Variants in ZSWIM5 observed in about 807,000 individuals in gnomAD.
ZSWIM5 encodes the protein zinc finger SWIM domain-containing protein 5.
A neutral mutation model predicts 119.6 loss-of-function variants in ZSWIM5; 55 were observed. The ratio of observed to expected loss-of-function variants is 0.46; its 90% CI spans 0.37 to 0.58. The LOEUF (loss-of-function observed/expected upper bound fraction) is 0.58, where lower values mean the gene tolerates loss of function less well. ZSWIM5 is among the 20% of genes least tolerant of loss of function. ZSWIM5 has a pLI of 0.00. For synonymous variants in ZSWIM5, 537 were observed against 606.9 expected, an observed-to-expected ratio of 0.88 and a Z score of 1.69; for missense variants, 1,193 against 1,512.8, an observed-to-expected ratio of 0.79 and a Z score of 3.51.
intron 4 of ZSWIM5, among the ~76,000 whole-genome samples, chr1:45,054,458 T>C (rs894105347): frequency 6.6e-6 from 1 of 152,100 alleles, no homozygotes; most frequent in Non-Finnish European, 1.5e-5. Context: ...GGTGCGCGCC[T>C]GTAGTCTCAG....
At chr1:45,110,695 A>G (rs1645511289) in intron 1 of ZSWIM5, among the ~76,000 whole-genome samples, 1 of 152,234 alleles carries the variant, frequency 6.6e-6, no homozygotes. Flanking sequence ...CAAGAAAAAG[A>G]AAAATAACCA....
chr1:45,035,910 G>T, intron 9 of ZSWIM5, 87 bp from the exon 10 acceptor site: 1 of 1,579,212 alleles, frequency 6.3e-7, no homozygotes, highest in Middle Eastern at 1.7e-4. Flanking sequence ...ATGCATGTTT[G>T]CTAATCATGG....
At chr1:45,084,463 T>TA in intron 2 of ZSWIM5, among the ~76,000 whole-genome samples, 1 of 152,186 alleles carries the variant, frequency 6.6e-6, no homozygotes, top group Non-Finnish European at 1.5e-5. Flanking sequence ...CCCCAAGTCT[T>TA]AACTCATTTC....
intron 1 of ZSWIM5, among the ~76,000 whole-genome samples, chr1:45,139,694 ATTTTTTTTTTT>A (rs774168631): frequency 1.5e-5 from 1 of 67,332 alleles, no homozygotes; most frequent in Non-Finnish European, 2.8e-5. Flanking sequence ...GCTTTCTTCG[ATTTTTTTTTTT>A]TTTTTTTTTT....
chr1:45,198,519 G>A (rs1275590858), intron 1 of ZSWIM5, among the ~76,000 whole-genome samples: 1 of 152,178 alleles, frequency 6.6e-6, no homozygotes, highest in Non-Finnish European at 1.5e-5. Flanking sequence ...CAGAAAGTTA[G>A]CCAAAGCATT....
At chr1:45,047,828 T>C (rs1208086688) in intron 5 of ZSWIM5, among the ~76,000 whole-genome samples, 2 of 152,092 alleles carry the variant, frequency 1.3e-5, no homozygotes, top group Non-Finnish European at 2.9e-5. Context: ...CTTCTTTATT[T>C]TTAGTAAACA....
At chr1:45,121,401 C>T (rs545508340) in intron 1 of ZSWIM5, among the ~76,000 whole-genome samples, 3 of 152,222 alleles carry the variant, frequency 2.0e-5, no homozygotes, top group East Asian at 1.9e-4. Flanking sequence ...TGTCTTAAAT[C>T]GCTGTCTCCT....
rs1277692036 is a variant in ZSWIM5 at position 45,206,505 on chromosome 1, C to T, written c.-155G>A. 2.7e-6 allele frequency: 3 copies of T among 1,110,984 alleles called. No individual in the cohort carries two copies. Among genetic ancestry groups the T allele is most frequent in the East Asian group, 5.2e-5 (1 of 19,394 alleles). 68.8% of individuals were successfully genotyped at this position (1,110,984 alleles called of 1,614,324 possible). A position where few individuals can be genotyped will look rare whatever the true frequency, so the allele number is the denominator to read the frequency against. ...CGAGCCAGCCGGCCCGAGTGGGGAA[C>T]CGCGGCCGGGCCCGGGAGCGCGCCG... On this transcript the variant is annotated 5_prime_UTR_variant, in exon 1 of 14. Coordinates refer to ENST00000359600, the MANE Select transcript of ZSWIM5 (RefSeq NM_020883.2).
At chr1:45,107,222 A>G (rs1458337503) in intron 1 of ZSWIM5, among the ~76,000 whole-genome samples, 1 of 152,234 alleles carries the variant, frequency 6.6e-6, no homozygotes, top group Non-Finnish European at 1.5e-5. Context: ...TACTAAAAAA[A>G]AAAGACTGAG....
chr1:45,152,877 G>C (rs1281935507), intron 1 of ZSWIM5, among the ~76,000 whole-genome samples: 1 of 151,802 alleles, frequency 6.6e-6, no homozygotes, highest in East Asian at 1.9e-4. Context: ...CTAATATCCA[G>C]AATCTATAAA....
rs111392748 is a variant in ZSWIM5, at chr1:45,116,601, G to A, written c.596-28364C>T. On this transcript the variant is annotated intron_variant, in intron 1 of 13. Transcript: ENST00000359600. The stretch of plus-strand genomic sequence containing the variant: ...AAACTGCAGAAGAAAGCCCTCCTAT[G>A]AGGCCAGAGAACAACTGAAGGCAGT... 7.4e-3 allele frequency among the ~76,000 whole-genome samples: 1,128 copies of A among 152,252 alleles called. 13 individuals carry two copies. Among genetic ancestry groups the A allele is most frequent in the African/African-American group, 0.026 (1,082 of 41,538 alleles).
At chr1:45,199,524 C>T (rs965758483) in intron 1 of ZSWIM5, among the ~76,000 whole-genome samples, 6 of 152,136 alleles carry the variant, frequency 3.9e-5, no homozygotes, top group African/African-American at 1.4e-4. Flanking sequence ...TGGTCTTGAT[C>T]TCCTGACCTC....
In ZSWIM5 at chr1:45,043,206, G is replaced by A. The variant is rs759575398; in HGVS notation, c.1609+13C>T. On this transcript the variant is annotated intron_variant, in intron 6 of 13. Transcript: ENST00000359600. ...GGGTGGCTCTAAAGTTCTTAGAGGA[G>A]GGCTAGACTTACCAAGCCACAGTGG... 1.4e-5 allele frequency: 23 copies of A among 1,612,416 alleles called. No homozygotes were observed. In the East Asian group the frequency reaches 5.1e-4, roughly 36 times the overall value.
chr1:45,051,298 G>C (rs1285626386), intron 4 of ZSWIM5, 45 bp from the exon 5 acceptor site: 3 of 1,561,938 alleles, frequency 1.9e-6, no homozygotes, highest in Non-Finnish European at 2.6e-6. Context: ...CTCCTTTGAT[G>C]TGTGTGTAAG....
At chr1:45,199,369 G>C (rs1646145618) in intron 1 of ZSWIM5, among the ~76,000 whole-genome samples, 1 of 151,580 alleles carries the variant, frequency 6.6e-6, no homozygotes, top group Non-Finnish European at 1.5e-5. Context: ...CACGATCTTG[G>C]CTCACTGCAA....
intron 1 of ZSWIM5, among the ~76,000 whole-genome samples, chr1:45,110,996 T>C (rs1323312958): frequency 6.6e-6 from 1 of 152,196 alleles, no homozygotes; most frequent in Non-Finnish European, 1.5e-5. Flanking sequence ...CCCTTTAAGC[T>C]GGGTATACAG....
At chr1:45,124,242 T>G (rs946803257) in intron 1 of ZSWIM5, among the ~76,000 whole-genome samples, 1 of 152,136 alleles carries the variant, frequency 6.6e-6, no homozygotes. Context: ...AAATTGTATT[T>G]GACACTTGGA....
chr1:45,029,005 T>C (rs1396692085), intron 11 of ZSWIM5, among the ~76,000 whole-genome samples: 1 of 152,260 alleles, frequency 6.6e-6, no homozygotes, highest in Admixed American at 6.5e-5. Context: ...AGATGTTTTT[T>C]CTTCTCTCTG....
chr1:45,035,895 A>T, intron 9 of ZSWIM5, 72 bp from the exon 10 acceptor site: 1 of 1,590,756 alleles, frequency 6.3e-7, no homozygotes, highest in Non-Finnish European at 8.6e-7. Flanking sequence ...GAGCCCCAGT[A>T]TCTCATGCAT....
Sources: allele counts gnomAD v4.1 joint callset (sites outside exome capture counted in the v4.1 genomes callset), GRCh38; gene constraint gnomAD v4.1.1; transcripts MANE v1.5; gene names NCBI Gene and HGNC (gene_info 2026-07-23, HGNC 2026-07-21).